CCDC91: variants seen among roughly 807,000 people sequenced by gnomAD.
CCDC91 encodes coiled-coil domain containing 91.
CCDC91 carries 48 observed loss-of-function variants against 63.2 expected under a neutral mutation model. The observed-to-expected ratio is 0.76, with a 90% confidence interval of 0.60 to 0.97. CCDC91 has a LOEUF of 0.97. CCDC91 is among the 50% of genes least tolerant of loss of function. The pLI, the probability that CCDC91 is intolerant of heterozygous loss-of-function variation, is 0.00. For missense variants in CCDC91, 500 were observed against 494.6 expected (o/e 1.01, Z -0.10); for synonymous variants, 167 against 165.8 (o/e 1.01, Z -0.06).
chr12:28,256,253 A>G (rs1488233120), intron 1 of CCDC91, among the ~76,000 whole-genome samples: 2 of 152,172 alleles, frequency 1.3e-5, no homozygotes, highest in Non-Finnish European at 2.9e-5. Flanking sequence ...TAAACCAATT[A>G]TTACTGACTA....
chr12:28,211,751 C>T (rs1284155672), intron 1 of CCDC91, among the ~76,000 whole-genome samples: 1 of 151,700 alleles, frequency 6.6e-6, no homozygotes, highest in Non-Finnish European at 1.5e-5. Context: ...TCTTGATTAA[C>T]TTAGCCAGTT....
At chr12:28,446,074 A>G (rs1195885473) in intron 8 of CCDC91, among the ~76,000 whole-genome samples, 2 of 152,192 alleles carry the variant, frequency 1.3e-5, no homozygotes, top group East Asian at 1.9e-4. Flanking sequence ...GACTAAAAAC[A>G]AGGAGATTAA....
chr12:28,322,584 T>C (rs1335395849), intron 6 of CCDC91, among the ~76,000 whole-genome samples: 3 of 151,846 alleles, frequency 2.0e-5, no homozygotes, highest in South Asian at 4.1e-4. Flanking sequence ...TGTCTCAATA[T>C]ACCTTCTCTG....
intron 12 of CCDC91, among the ~76,000 whole-genome samples, chr12:28,510,681 A>T (rs1326543943): frequency 6.6e-6 from 1 of 151,932 alleles, no homozygotes; most frequent in Non-Finnish European, 1.5e-5. Context: ...TAGTAGATAC[A>T]TAAAATTAAC....
chr12:28,329,187 G>T (rs1051120712), intron 6 of CCDC91, among the ~76,000 whole-genome samples: 2 of 152,170 alleles, frequency 1.3e-5, no homozygotes, highest in African/African-American at 4.8e-5. Context: ...TCAGTTCAAT[G>T]TTGGATTTCA....
rs1217902644 is a variant in CCDC91 at position 28,259,427 on chromosome 12, G to T, written c.94G>T (p.Ala32Ser). 6.2e-7 allele frequency: 1 copy of T among 1,607,188 alleles called. No individual in the cohort carries two copies. The highest frequency in any genetic ancestry group is 1.7e-5 in the Admixed American group (1 of 59,724). Residue 32 changes from alanine to serine, a missense_variant, in exon 3 of 13, where the codon GCT (alanine) becomes TCT (serine). By Grantham distance (99) the Ala-to-Ser change is moderately conservative. Transcript: ENST00000536442. ...AACAACATCTCCTGCTATTCCTTGG[G>T]CTGCCTTTCCTGCAGGTATTGGTAT... is the stretch of plus-strand genomic sequence containing the variant. ...TQTTSPAIPW[A>S]AFPAVSGVHL...
At chr12:28,385,560 A>G (rs1289473965) in intron 7 of CCDC91, among the ~76,000 whole-genome samples, 3 of 152,192 alleles carry the variant, frequency 2.0e-5, no homozygotes, top group Admixed American at 1.3e-4. Context: ...GTAAAGTATG[A>G]CTTAATGGGT....
chr12:28,383,340 C>G (rs1945408142), intron 7 of CCDC91, among the ~76,000 whole-genome samples: 1 of 152,148 alleles, frequency 6.6e-6, no homozygotes, highest in Non-Finnish European at 1.5e-5. Context: ...ATTGCAATTC[C>G]AAATGCTTCA....
At chr12:28,373,595 T>C (rs1339287102) in intron 7 of CCDC91, among the ~76,000 whole-genome samples, 2 of 132,982 alleles carry the variant, frequency 1.5e-5, no homozygotes, top group African/African-American at 2.7e-5. Flanking sequence ...CTGACATCTA[T>C]TAATACAAGT....
chr12:28,335,298 A>T (rs1368031907), intron 6 of CCDC91, among the ~76,000 whole-genome samples: 1 of 132,534 alleles, frequency 7.5e-6, no homozygotes, highest in African/African-American at 2.8e-5. Context: ...ATATAATATA[A>T]TATATAATAC....
intron 8 of CCDC91, among the ~76,000 whole-genome samples, chr12:28,438,132 T>C (rs1386007194): frequency 1.3e-5 from 2 of 152,174 alleles, no homozygotes; most frequent in Non-Finnish European, 2.9e-5. Flanking sequence ...TGCATTAATC[T>C]GTTTCTTTCT....
intron 8 of CCDC91, among the ~76,000 whole-genome samples, chr12:28,439,075 A>T (rs1001727319): frequency 6.6e-6 from 1 of 151,966 alleles, no homozygotes; most frequent in Non-Finnish European, 1.5e-5. Context: ...ATTCCTAATC[A>T]CTCCCTTAAG....
At chr12:28,511,331 T>A (rs1244560462) in intron 12 of CCDC91, among the ~76,000 whole-genome samples, 1 of 151,894 alleles carries the variant, frequency 6.6e-6, no homozygotes, top group East Asian at 1.9e-4. Context: ...ATACATGAAA[T>A]CTTCCAAAGG....
intron 1 of CCDC91, among the ~76,000 whole-genome samples, chr12:28,201,174 C>T (rs879970181): frequency 2.7e-5 from 4 of 150,436 alleles, no homozygotes; most frequent in Admixed American, 6.6e-5. Flanking sequence ...TGGGCGGAGA[C>T]GCTCCTCACT....
At chr12:28,395,263 C>T (rs1441908629) in intron 8 of CCDC91, among the ~76,000 whole-genome samples, 1 of 152,200 alleles carries the variant, frequency 6.6e-6, no homozygotes, top group African/African-American at 2.4e-5. Context: ...GCATCAACAA[C>T]CAGTTCTCCA....
chr12:28,510,821 C>T (rs1939292600), intron 12 of CCDC91, among the ~76,000 whole-genome samples: 1 of 151,744 alleles, frequency 6.6e-6, no homozygotes, highest in Non-Finnish European at 1.5e-5. Flanking sequence ...ACATAACATC[C>T]AAATTCCTCT....
At chr12:28,399,714 A>G (rs1946501459) in intron 8 of CCDC91, among the ~76,000 whole-genome samples, 1 of 152,350 alleles carries the variant, frequency 6.6e-6, no homozygotes, top group East Asian at 1.9e-4. Context: ...GGCAAAAATA[A>G]AGGGGCTACA....
intron 1 of CCDC91, among the ~76,000 whole-genome samples, chr12:28,204,592 G>C (rs1411384097): frequency 6.6e-6 from 1 of 151,936 alleles, no homozygotes; most frequent in Non-Finnish European, 1.5e-5. Context: ...TTTTTGTGAG[G>C]GAAAGTCATG....
chr12:28,535,657 G>A (rs1942094323), intron 12 of CCDC91, among the ~76,000 whole-genome samples: 1 of 152,062 alleles, frequency 6.6e-6, no homozygotes, highest in African/African-American at 2.4e-5. Flanking sequence ...AATGATGCTT[G>A]GTAAAGATTG....
Sources: gnomAD v4.1 joint callset for allele counts (sites outside exome capture counted in the v4.1 genomes callset) on GRCh38, gnomAD v4.1.1 for gene constraint, MANE v1.5 for transcripts, NCBI Gene and HGNC (gene_info 2026-07-23, HGNC 2026-07-21) for gene names.